Variants in DNAH9 observed in about 807,000 individuals in gnomAD.
DNAH9 encodes the protein DNAH9 variant protein.
A neutral mutation model predicts 471.6 loss-of-function variants in DNAH9; 345 were observed. The ratio of observed to expected loss-of-function variants is 0.73; its 90% CI spans 0.67 to 0.80. DNAH9 has a LOEUF of 0.80. DNAH9 is among the 30% of genes least tolerant of loss of function. DNAH9 has a pLI of 0.00. For synonymous variants in DNAH9, 2,093 were observed against 2,123.6 expected, an observed-to-expected ratio of 0.99 and a Z score of 0.40; for missense variants, 5,407 against 5,609.2, an observed-to-expected ratio of 0.96 and a Z score of 1.15.
At chr17:11,639,663 G>T (rs945276884) in intron 9 of DNAH9, among the ~76,000 whole-genome samples, 1 of 152,164 alleles carries the variant, frequency 6.6e-6, no homozygotes, top group Non-Finnish European at 1.5e-5. Context: ...GTTTAAGGGA[G>T]TGTTTCAACC....
chr17:11,854,222 C>T lies in DNAH9; in HGVS notation c.9727C>T (p.Pro3243Ser). ...CGAGAACTGCCTCAAAGCCATCAGG[C>T]CGTATCTGCAAGACCCCGAGTTCAA... ...IHENCLKAIRPYLQDPEFNPE... is the reference protein window; with the variant it reads ...IHENCLKAIRSYLQDPEFNPE... Residue 3243 changes from proline to serine, a missense_variant, in exon 50 of 69, where the codon CCG becomes TCG. Transcript: ENST00000262442. 6.2e-7 allele frequency: 1 copy of T among 1,614,190 alleles called. No homozygotes were observed. Among genetic ancestry groups the T allele is most frequent in the Non-Finnish European group, 8.5e-7 (1 of 1,180,042 alleles).
intron 29 of DNAH9, among the ~76,000 whole-genome samples, chr17:11,741,914 T>C (rs1290507162): frequency 3.3e-5 from 5 of 152,198 alleles, no homozygotes; most frequent in African/African-American, 1.2e-4. Context: ...CTGCTAACAT[T>C]ATCCAGCCCC....
At chr17:11,769,055 A>G in intron 37 of DNAH9, 67 bp from the exon 38 acceptor site, 3 of 1,547,028 alleles carry the variant, frequency 1.9e-6, no homozygotes, top group Non-Finnish European at 2.7e-6. Flanking sequence ...ATGCTTCGGA[A>G]CGCCGCTGGT....
chr17:11,894,315 G>A, intron 58 of DNAH9, 59 bp from the exon 59 acceptor site: 2 of 1,597,126 alleles, frequency 1.3e-6, no homozygotes, highest in East Asian at 4.5e-5. Flanking sequence ...CAACCCCTAA[G>A]ATTTCTAGGA....
intron 62 of DNAH9, among the ~76,000 whole-genome samples, 164 bp downstream of exon 62, chr17:11,924,105 G>A (rs1435403930): frequency 1.3e-5 from 2 of 151,934 alleles, no homozygotes; most frequent in South Asian, 2.1e-4. Flanking sequence ...TCACTCATAT[G>A]TTCTCTTCCC....
chr17:11,810,453 G>A, intron 45 of DNAH9, 84 bp downstream of exon 45: 1 of 1,524,648 alleles, frequency 6.6e-7, no homozygotes, highest in Non-Finnish European at 8.8e-7. Flanking sequence ...CGTCCAGGGT[G>A]GGAAGAGTAA....
At chr17:11,608,487 CTG>C (rs925098855) in intron 2 of DNAH9, among the ~76,000 whole-genome samples, 162 bp downstream of exon 2, 1 of 152,240 alleles carries the variant, frequency 6.6e-6, no homozygotes, top group South Asian at 2.1e-4. Context: ...AGACTGTGGA[CTG>C]TGTGTTTACC....
In DNAH9 at chr17:11,747,649, C is replaced by G; in HGVS notation, c.6493C>G (p.His2165Asp). ...CAAGTCACAGGTGCTGAGGTCCTTG[C>G]ACAAGACCTATCAGATCATGAAACG... ...TGKSQVLRSL[H>D]KTYQIMKRRP... Residue 2165 changes from histidine (H) to aspartate (D), a missense_variant, in exon 32 of 69, where the codon CAC becomes GAC. Coordinates refer to ENST00000262442, the MANE Select transcript of DNAH9 (RefSeq NM_001372.4). The G allele has an allele frequency of 6.2e-7, 1 of 1,614,088 alleles. No individual in the cohort carries two copies. The highest frequency in any genetic ancestry group is 8.5e-7 in the Non-Finnish European group (1 of 1,179,974).
At chr17:11,927,990 G>A (rs149055412) in intron 62 of DNAH9, among the ~76,000 whole-genome samples, 226 of 152,238 alleles carry the variant, frequency 1.5e-3, no homozygotes, top group African/African-American at 4.8e-3. Flanking sequence ...TAAACACTCT[G>A]CTCCAATTGA....
rs189167698 is a variant in DNAH9, at chr17:11,599,540, G to A, written c.417+625G>A. Among the ~76,000 whole-genome samples, 391 of 152,326 alleles carry A rather than the reference G, an allele frequency of 2.6e-3. 7 individuals are homozygous for A. The highest frequency in any genetic ancestry group is 0.024 in the Admixed American group (365 of 15,302). ...GCATAAGAAGTTGGGCTCCCATTTG[G>A]AAATGCCCAGCAGGCCTTTGGAGGA... On this transcript the variant is annotated intron_variant, in intron 1 of 68. Transcript: ENST00000262442.
chr17:11,807,288 T>A (rs973969295), intron 43 of DNAH9, among the ~76,000 whole-genome samples: 1 of 152,222 alleles, frequency 6.6e-6, no homozygotes, highest in Admixed American at 6.5e-5. Context: ...CAACTTCTGC[T>A]CCTGCCTTGT....
chr17:11,961,585 A>G (rs575617101), intron 67 of DNAH9, among the ~76,000 whole-genome samples: 1 of 152,186 alleles, frequency 6.6e-6, no homozygotes. Context: ...ATGGGAAGCA[A>G]TTGTGTCTTT....
chr17:11,759,689 ATTT>A (rs35617747), intron 35 of DNAH9, among the ~76,000 whole-genome samples: 9 of 128,440 alleles, frequency 7.0e-5, no homozygotes, highest in Admixed American at 7.9e-5. Flanking sequence ...TGCCCACCTA[ATTT>A]TTTTTTTTTT....
intron 33 of DNAH9, among the ~76,000 whole-genome samples, chr17:11,753,667 CA>C (rs1208124266): frequency 2.0e-5 from 3 of 152,162 alleles, no homozygotes; most frequent in African/African-American, 7.2e-5. Flanking sequence ...ACTCCATCTC[CA>C]AAAACTAGCT....
intron 5 of DNAH9, among the ~76,000 whole-genome samples, chr17:11,618,863 A>G (rs1056996222): frequency 1.3e-5 from 2 of 152,190 alleles, no homozygotes; most frequent in African/African-American, 2.4e-5. Flanking sequence ...GACTTGCCCA[A>G]AGACACCCAA....
chr17:11,722,357 A>T (rs372195334), intron 27 of DNAH9, among the ~76,000 whole-genome samples: 17 of 152,356 alleles, frequency 1.1e-4, no homozygotes, highest in Middle Eastern at 6.8e-3. Flanking sequence ...GAGCAAAAGC[A>T]TAAAGATTGG....
intron 49 of DNAH9, among the ~76,000 whole-genome samples, chr17:11,843,859 GTGTGTATATATATATATATA>G (rs1394207153): frequency 8.5e-5 from 4 of 47,010 alleles, no homozygotes; most frequent in African/African-American, 3.7e-4. Flanking sequence ...GTGTGTGTGT[GTGTGTATATATATATATATA>G]TATATATATA....
intron 6 of DNAH9, among the ~76,000 whole-genome samples, chr17:11,621,489 T>TGAGCTGCTC: frequency 1.4e-5 from 2 of 146,732 alleles, no homozygotes; most frequent in Non-Finnish European, 3.0e-5. Context: ...CATGAGCAGG[T>TGAGCTGCTC]TTGGAGGAAA....
intron 45 of DNAH9, among the ~76,000 whole-genome samples, chr17:11,818,905 ATT>A (rs1338576443): frequency 4.7e-5 from 7 of 150,286 alleles, no homozygotes; most frequent in African/African-American, 1.5e-4. Flanking sequence ...TATTATTATT[ATT>A]ATTATTTGCA....
Sources: allele counts gnomAD v4.1 joint callset (sites outside exome capture counted in the v4.1 genomes callset), GRCh38; gene constraint gnomAD v4.1.1; transcripts MANE v1.5; gene names NCBI Gene and HGNC (gene_info 2026-07-23, HGNC 2026-07-21).